Variants in PCNX2 observed in about 807,000 individuals in gnomAD.
The protein encoded by PCNX2 is pecanex 2.
Under a neutral mutation model 223.8 loss-of-function variants are expected in PCNX2, and 168 were observed. The ratio of observed to expected loss-of-function variants is 0.75; its 90% CI spans 0.66 to 0.85. PCNX2 has a LOEUF of 0.85. Among genes scored for constraint, PCNX2 ranks in the 40% least tolerant of loss-of-function variants. PCNX2 has a pLI of 0.00. For synonymous variants in PCNX2, 1,006 were observed against 1,052.6 expected (o/e 0.96, Z 0.86); for missense variants, 2,507 against 2,675.5 (o/e 0.94, Z 1.39).
chr1:233,124,107 G>A lies in PCNX2; in HGVS notation c.3837+10906C>T, dbSNP rs753193412. 5.9e-5 allele frequency among the ~76,000 whole-genome samples: 9 copies of A among 151,922 alleles called. No individual in the cohort carries two copies. In the South Asian group the frequency reaches 8.3e-4, roughly 14 times the overall value. ...CCTTCTTCTCCTCATTCTCATTCTC[G>A]TTTTCTGTCTCATTATTTCTTTATC... On this transcript the variant is annotated intron_variant, in intron 21 of 33. Coordinates refer to ENST00000258229, the MANE Select transcript of PCNX2 (RefSeq NM_014801.4).
chr1:233,243,811 T>C (rs1658928806), intron 8 of PCNX2, among the ~76,000 whole-genome samples: 1 of 152,032 alleles, frequency 6.6e-6, no homozygotes, highest in African/African-American at 2.4e-5. Flanking sequence ...GCACTGCATG[T>C]GTACTATCAC....
chr1:233,314,766 G>A, the PCNX2 span, among the ~76,000 whole-genome samples: 2 of 151,640 alleles, frequency 1.3e-5, no homozygotes, highest in African/African-American at 2.4e-5. Context: ...ATATTCTTAC[G>A]TTATTACAGA....
chr1:233,223,262 T>G (rs894891107), intron 10 of PCNX2, among the ~76,000 whole-genome samples: 1 of 152,002 alleles, frequency 6.6e-6, no homozygotes, highest in African/African-American at 2.4e-5. Context: ...AAAGATGGAA[T>G]CAACGGTGAC....
chr1:233,187,361 T>C (rs1680166540), intron 15 of PCNX2, among the ~76,000 whole-genome samples: 1 of 152,206 alleles, frequency 6.6e-6, no homozygotes, highest in Admixed American at 6.5e-5. Context: ...AGAGAGAAGA[T>C]AAACTTTGGC....
chr1:233,195,630 CA>C (rs1406439870), intron 15 of PCNX2, among the ~76,000 whole-genome samples: 2 of 152,068 alleles, frequency 1.3e-5, no homozygotes, highest in African/African-American at 2.4e-5. Flanking sequence ...TGAAATATTA[CA>C]AAATAAATTG....
chr1:233,285,093 C>T (rs1480659007), intron 1 of PCNX2: 2 of 857,198 alleles, frequency 2.3e-6, no homozygotes, highest in African/African-American at 3.7e-5. Context: ...TGGTTCACGC[C>T]TGTAATCCCA....
chr1:233,261,930 G>A (rs770256352), intron 3 of PCNX2, 115 bp downstream of exon 3: 53 of 1,461,748 alleles, frequency 3.6e-5, no homozygotes, highest in Admixed American at 6.9e-5. Flanking sequence ...CACTGTACAC[G>A]GGCCAGTGAT....
In PCNX2 at chr1:233,000,356, C is replaced by T; in HGVS notation, c.5277G>A (p.Glu1759=). 1.9e-6 allele frequency: 3 copies of T among 1,613,884 alleles called. No individual in the cohort carries two copies. Among genetic ancestry groups the T allele is most frequent in the Non-Finnish European group, 2.5e-6 (3 of 1,179,800 alleles). ...LRHVVDEGAD[E]YKVIMLHRSF... is the part of the protein sequence containing the mutation. ...TTCTGTGGAGCATGATGACCTTGTA[C>T]TCGTCGGCACCCTCGTCCACCACGT... The change falls in exon 30 of 34, where the codon GAG becomes GAA. Residue 1759 remains glutamate (E), a synonymous_variant. Transcript: ENST00000258229. The surrounding 1 kb of genome is among the most constrained non-coding windows in gnomAD (Gnocchi z 4.6).
At chr1:233,181,135 G>A (rs1376595667) in intron 15 of PCNX2, 1 of 151,786 alleles carries the variant, frequency 6.6e-6, no homozygotes, top group Non-Finnish European at 1.5e-5. Context: ...CCTCACACTA[G>A]GATGTCCTAC....
At chr1:233,293,302 T>C (rs1002624884) in intron 1 of PCNX2, among the ~76,000 whole-genome samples, 1 of 152,266 alleles carries the variant, frequency 6.6e-6, no homozygotes, top group South Asian at 2.1e-4. Context: ...AAAAGTATAG[T>C]GAGGTAGACT....
At chr1:233,110,395 C>A (rs1247580749) in intron 21 of PCNX2, among the ~76,000 whole-genome samples, 1 of 152,180 alleles carries the variant, frequency 6.6e-6, no homozygotes, top group African/African-American at 2.4e-5. Flanking sequence ...GAACTGCCAT[C>A]TTGTGGAACT....
chr1:233,316,820 A>G, the PCNX2 span, among the ~76,000 whole-genome samples: 2 of 151,466 alleles, frequency 1.3e-5, no homozygotes, highest in Non-Finnish European at 2.9e-5. Context: ...CTTTTCTTAC[A>G]CTCCTCTTAA....
At chr1:233,259,612 T>C (rs1164532724) in intron 4 of PCNX2, among the ~76,000 whole-genome samples, 1 of 152,142 alleles carries the variant, frequency 6.6e-6, no homozygotes, top group Non-Finnish European at 1.5e-5. Flanking sequence ...GTCCTAATGC[T>C]ATCTCTCCCC....
intron 21 of PCNX2, among the ~76,000 whole-genome samples, chr1:233,111,420 A>AT (rs1675109319): frequency 6.6e-6 from 1 of 152,044 alleles, no homozygotes; most frequent in South Asian, 2.1e-4. Context: ...TTCATTTTTT[A>AT]TTTTTTGAGA....
the PCNX2 span, among the ~76,000 whole-genome samples, chr1:233,310,844 A>T: frequency 6.6e-6 from 1 of 152,170 alleles, no homozygotes; most frequent in South Asian, 2.1e-4. Flanking sequence ...TGCAGGTCAC[A>T]TGGCAGGAGA....
chr1:233,239,388 A>G (rs1439104377), intron 8 of PCNX2, among the ~76,000 whole-genome samples: 1 of 152,174 alleles, frequency 6.6e-6, no homozygotes, highest in Non-Finnish European at 1.5e-5. Flanking sequence ...TATCAGCTTA[A>G]TTTTTCCATA....
chr1:233,100,382 C>A (rs1299847359), intron 21 of PCNX2, among the ~76,000 whole-genome samples: 4 of 140,158 alleles, frequency 2.9e-5, no homozygotes, highest in African/African-American at 1.1e-4. Flanking sequence ...CGTGCCACTG[C>A]ACTCCAGCCT....
In PCNX2 at chr1:233,295,113, C is replaced by A. The variant is rs1218223081; in HGVS notation, c.153+213G>T. ...TTCTTAATGAGTCCCCGAGCCCCCG[C>A]AGTCCTGTCTACTTCTTTTCTTTTC... On this transcript the variant is annotated intron_variant, in intron 1 of 33. Transcript: ENST00000258229. The surrounding 1 kb of genome is among the most constrained non-coding windows in gnomAD (Gnocchi z 4.1). 6.6e-6 allele frequency among the ~76,000 whole-genome samples: 1 copy of A among 152,198 alleles called. No individual in the cohort carries two copies. The highest frequency in any genetic ancestry group is 2.4e-5 in the African/African-American group (1 of 41,456).
At chr1:233,181,929 A>G (rs1228597660) in intron 15 of PCNX2, among the ~76,000 whole-genome samples, 6 of 152,184 alleles carry the variant, frequency 3.9e-5, no homozygotes, top group Non-Finnish European at 5.9e-5. Flanking sequence ...TTCAGTCTAT[A>G]GCATACACTA....
Sources: gnomAD v4.1 joint callset for allele counts (sites outside exome capture counted in the v4.1 genomes callset) on GRCh38, gnomAD v4.1.1 for gene constraint, Gnocchi (gnomAD v3.1) non-coding constraint, MANE v1.5 for transcripts, NCBI Gene and HGNC (gene_info 2026-07-23, HGNC 2026-07-21) for gene names.